The following EPHA2 variants were observed in gnomAD, a reference collection of about 807,000 sequenced individuals.
EPHA2 encodes the protein ephrin type-A receptor 2.
In EPHA2, 54 loss-of-function variants were observed where a neutral mutation model predicts 104.9. The observed-to-expected ratio is 0.51, with a 90% confidence interval of 0.41 to 0.65. The LOEUF (loss-of-function observed/expected upper bound fraction) is 0.65. EPHA2 is among the 30% of genes least tolerant of loss of function. EPHA2 has a pLI of 0.00. For missense variants in EPHA2, 1,117 were observed against 1,369.5 expected, an observed-to-expected ratio of 0.82 and a Z score of 2.91; for synonymous variants, 560 against 559.1, an observed-to-expected ratio of 1.00 and a Z score of -0.02.
rs1451432193 is a variant in EPHA2 at position 16,132,867 on chromosome 1, A to C, written c.2053+313T>G. ...GGAGGTGGGTGCAGGTATGGGGGGA[A>C]GGTGGGCACAGGTGTAAGGAGGTGG... On this transcript the variant is annotated intron_variant, in intron 11 of 16. Transcript: ENST00000358432. 36 of 475,142 alleles carry C rather than the reference A, an allele frequency of 7.6e-5. No homozygotes were observed. The East Asian group carries it at 1.4e-3, about 18-fold the overall frequency. The allele number at this position is 475,142 out of a possible 1,614,324, so 29.4% of individuals were successfully genotyped here.
rs958401845 is a variant in EPHA2, at chr1:16,128,048, A to G, written c.2825+1386T>C. On this transcript the variant is annotated intron_variant, in intron 16 of 16. Coordinates refer to ENST00000358432, the MANE Select transcript of EPHA2 (RefSeq NM_004431.5). The surrounding 1 kb of genome is among the most constrained non-coding windows in gnomAD (Gnocchi z 4.7). ...GGTGGATGTTCCCAGGAAAAAGGAG[A>G]AAAGGAGGGGGCATTTGCACAGTGC... 2.6e-5 allele frequency among the ~76,000 whole-genome samples: 4 copies of G among 152,062 alleles called. No individual in the cohort carries two copies. The highest frequency in any genetic ancestry group is 4.8e-5 in the African/African-American group (2 of 41,372).
chr1:16,137,581 G>C (rs113574264), intron 5 of EPHA2, among the ~76,000 whole-genome samples: 1 of 152,224 alleles, frequency 6.6e-6, no homozygotes, highest in Non-Finnish European at 1.5e-5. Flanking sequence ...CTGGGCAACA[G>C]AGCGAGACTC....
In EPHA2 at chr1:16,138,037, G is replaced by T. The variant is rs779516824; in HGVS notation, c.1128C>A (p.Cys376Ter). The part of the protein sequence containing the change: ...CEQCWPESGE[C>*]GPCEASVRYS... ...AGCGCACACTGGCCTCACACGGCCC[G>T]CATTCCCCAGACTCGGGCCAGCACT... Residue 376 changes from cysteine (C) to a stop codon, truncating the protein, a stop_gained, in exon 5 of 17, where the codon TGC becomes TGA. Coordinates refer to ENST00000358432, the MANE Select transcript of EPHA2 (RefSeq NM_004431.5). LOFTEE classifies it high-confidence loss of function. The T allele has an allele frequency of 6.2e-7, 1 of 1,613,146 alleles. No individual in the cohort carries two copies. The highest frequency in any genetic ancestry group is 8.5e-7 in the Non-Finnish European group (1 of 1,179,886).
intron 3 of EPHA2, among the ~76,000 whole-genome samples, chr1:16,147,352 C>T (rs2024952500): frequency 6.6e-6 from 1 of 152,190 alleles, no homozygotes; most frequent in Non-Finnish European, 1.5e-5. Context: ...CCTCCAACCT[C>T]TCCCTCAACA....
At chr1:16,132,042 G>A (rs1281928882) in intron 13 of EPHA2, 22 bp downstream of exon 13, 3 of 1,614,026 alleles carry the variant, frequency 1.9e-6, no homozygotes, top group Non-Finnish European at 2.5e-6. Flanking sequence ...CTTCTCCCTT[G>A]AGGTCCCCTT....
chr1:16,136,838 G>A (rs1282031241), intron 5 of EPHA2, among the ~76,000 whole-genome samples: 2 of 147,480 alleles, frequency 1.4e-5, no homozygotes, highest in Non-Finnish European at 3.0e-5. Context: ...CGCTCTTGTT[G>A]CCCAGGCTGG....
rs141654458 is a variant in EPHA2, at chr1:16,125,561, C to T, written c.2826-241G>A. Among the ~76,000 whole-genome samples, 30 of 152,124 alleles carry T rather than the reference C, an allele frequency of 2.0e-4. No individual in the cohort carries two copies. The East Asian group carries it at 5.6e-3, about 28-fold the overall frequency. On this transcript the variant is annotated intron_variant, in intron 16 of 16. Transcript: ENST00000358432. This position sits in a 1 kb window ranked among gnomAD's most constrained non-coding sequence, Gnocchi z 4.9. ...CCCACCATCAACAAAGTTAGGAAAA[C>T]GACAGAAGCCTCAACTCTGTACGAT...
At chr1:16,137,406 G>C (rs925268235) in intron 5 of EPHA2, among the ~76,000 whole-genome samples, 2 of 151,982 alleles carry the variant, frequency 1.3e-5, no homozygotes, top group African/African-American at 4.8e-5. Flanking sequence ...AGACCAGCCT[G>C]GCCGACATAG....
intron 3 of EPHA2, among the ~76,000 whole-genome samples, chr1:16,143,358 C>T (rs940877402): frequency 3.9e-5 from 6 of 152,148 alleles, no homozygotes; most frequent in East Asian, 3.9e-4. Context: ...AGTGTTTCAG[C>T]GCCCAGAGAG....
chr1:16,130,540 G>T lies in EPHA2; in HGVS notation c.2476-121C>A. ...AACAGGAACATCCCAGAAACAGACA[G>T]GAAGGGCCTTTCTTGAGCTGCCACC... On this transcript the variant is annotated intron_variant, in intron 14 of 16. Coordinates refer to ENST00000358432, the MANE Select transcript of EPHA2 (RefSeq NM_004431.5). This position sits in a 1 kb window ranked among gnomAD's most constrained non-coding sequence, Gnocchi z 4.5. The T allele has an allele frequency of 1.0e-6, 1 of 1,000,332 alleles. No homozygotes were observed. The highest frequency in any genetic ancestry group is 1.4e-6 in the Non-Finnish European group (1 of 713,808). The allele number at this position is 1,000,332 out of a possible 1,614,324, so 62.0% of individuals were successfully genotyped here. A position where few individuals can be genotyped will look rare whatever the true frequency, so the allele number is the denominator to read the frequency against.
At chr1:16,146,027 G>A (rs1300606250) in intron 3 of EPHA2, among the ~76,000 whole-genome samples, 2 of 152,204 alleles carry the variant, frequency 1.3e-5, no homozygotes, top group Non-Finnish European at 2.9e-5. Context: ...ACCCGTCTAC[G>A]GTAGCGACTG....
chr1:16,144,151 A>G (rs944325711), intron 3 of EPHA2, among the ~76,000 whole-genome samples: 3 of 151,878 alleles, frequency 2.0e-5, no homozygotes, highest in African/African-American at 7.3e-5. Flanking sequence ...GGAGAGAGGG[A>G]GGGAGGGAGA....
At chr1:16,145,109 A>G (rs1012134462) in intron 3 of EPHA2, among the ~76,000 whole-genome samples, 7 of 152,204 alleles carry the variant, frequency 4.6e-5, no homozygotes, top group African/African-American at 1.7e-4. Context: ...GCCACTGGCC[A>G]AGGCTGCTGG....
At chr1:16,138,933 C>A (rs1202039819) in intron 3 of EPHA2, among the ~76,000 whole-genome samples, 4 of 152,230 alleles carry the variant, frequency 2.6e-5, no homozygotes, top group Non-Finnish European at 5.9e-5. Context: ...CACTGGCCAG[C>A]CTCATCAGTT....
chr1:16,153,980 C>T (rs1237133274), intron 1 of EPHA2, among the ~76,000 whole-genome samples: 1 of 152,072 alleles, frequency 6.6e-6, no homozygotes, highest in African/African-American at 2.4e-5. Context: ...GTACCCCCAC[C>T]CCAGTGCAAT....
rs575151468 is a variant in EPHA2, at chr1:16,138,132, C to T, written c.1033G>A (p.Glu345Lys). Residue 345 changes from glutamate (E) to lysine (K), a missense_variant, in exon 5 of 17, where the codon GAG becomes AAG. This residue lies in a region of EPHA2 where 664 missense variants were observed against 784.8 expected (regional missense o/e 0.85). Coordinates refer to ENST00000358432, the MANE Select transcript of EPHA2 (RefSeq NM_004431.5). Reference protein sequence around the residue: ...LTAVGMGAKVELRWTPPQDSG... With the variant: ...LTAVGMGAKVKLRWTPPQDSG... ...TCCTGAGGGGGCGTCCAGCGCAGCT[C>T]CACCTTGGCACCCATGCCCACGGCT... The T allele has an allele frequency of 9.3e-6, 15 of 1,609,214 alleles. No individual in the cohort carries two copies. In the East Asian group the frequency reaches 1.6e-4, roughly 17 times the overall value.
rs112285834 is a variant in EPHA2, at chr1:16,131,844, G to A, written c.2352C>T (p.Thr784=). 21,952 of 1,613,926 alleles carry A rather than the reference G, an allele frequency of 0.014. 211 individuals carry two copies. Among genetic ancestry groups the A allele is most frequent in the Non-Finnish European group, 0.016 (18,641 of 1,179,970 alleles). The change falls in exon 14 of 17, where the codon ACC becomes ACT. Residue 784 remains threonine (T), a synonymous_variant. Transcript: ENST00000358432. This position sits in a 1 kb window ranked among gnomAD's most constrained non-coding sequence, Gnocchi z 5.2. ...TSGGKIPIRW[T]APEAISYRKF... ...TCCGGTAGGAAATGGCCTCCGGGGC[G>A]GTCCAGCGGATGGGGATCTTGCCGC...
At chr1:16,133,112 ACAGT>A in intron 11 of EPHA2, 64 bp downstream of exon 11, 1 of 1,595,608 alleles carries the variant, frequency 6.3e-7, no homozygotes, top group Non-Finnish European at 8.5e-7. Flanking sequence ...GGAGGTGGGC[ACAGT>A]CACAGACAGA....
rs2024429538 is a variant in EPHA2, at chr1:16,124,451, C to T, written c.*764G>A. ...AAAAAAATGTCCAACAAAACAAAAT[C>T]TTTAACACTGACAGAATAGAAACTT... On this transcript the variant is annotated 3_prime_UTR_variant, in exon 17 of 17. Coordinates refer to ENST00000358432, the MANE Select transcript of EPHA2 (RefSeq NM_004431.5). 6.6e-6 allele frequency: 1 copy of T among 152,488 alleles called. No individual in the cohort carries two copies. The highest frequency in any genetic ancestry group is 1.5e-5 in the Non-Finnish European group (1 of 68,012). 9.4% of individuals were successfully genotyped at this position (152,488 alleles called of 1,614,324 possible).
Sources: gnomAD v4.1 joint callset for allele counts (sites outside exome capture counted in the v4.1 genomes callset) on GRCh38, gnomAD v4.1.1 for gene constraint, gnomAD v4.1.1 regional missense constraint, Gnocchi (gnomAD v3.1) non-coding constraint, MANE v1.5 for transcripts, NCBI Gene and HGNC (gene_info 2026-07-23, HGNC 2026-07-21) for gene names.